The following C12orf50 variants were observed in gnomAD, a reference collection of about 807,000 sequenced individuals.
C12orf50 encodes uncharacterized protein C12orf50.
Under a neutral mutation model 61.6 loss-of-function variants are expected in C12orf50, and 35 were observed. The observed-to-expected ratio is 0.57, with a 90% CI of 0.43 to 0.75. The LOEUF is 0.75. C12orf50 is among the 30% of genes least tolerant of loss of function. The pLI, the probability that C12orf50 is intolerant of heterozygous loss-of-function variation, is 0.00. For missense variants in C12orf50, 475 were observed against 488.5 expected (o/e 0.97, Z 0.26); for synonymous variants, 178 against 161.5 (o/e 1.10, Z -0.77).
rs761258693 is a variant in C12orf50 at position 87,998,163 on chromosome 12, T to C, written c.161A>G (p.Glu54Gly). Residue 54 changes from glutamate to glycine, a missense_variant, in exon 4 of 13, where the codon GAA becomes GGA. Physicochemically the swap from Glu to Gly is moderately conservative, Grantham distance 98. Transcript: ENST00000298699. Reference protein sequence around the residue: ...SNITLQKEIQEGIPLQSQSQE... With the variant: ...SNITLQKEIQGGIPLQSQSQE... ...ACTCTGGGACTGGAGTGGAATTCCTTCCTGAATTTCTTTCTGTAGTGTGAT... is the reference window on the plus strand; with the variant it reads ...ACTCTGGGACTGGAGTGGAATTCCTCCCTGAATTTCTTTCTGTAGTGTGAT... 3 of 1,612,490 alleles carry C rather than the reference T, an allele frequency of 1.9e-6. No homozygotes were observed. The highest frequency in any genetic ancestry group is 3.3e-5 in the Admixed American group (2 of 59,896).
chr12:88,005,910 T>A (rs941990276), intron 3 of C12orf50, among the ~76,000 whole-genome samples: 11 of 139,076 alleles, frequency 7.9e-5, no homozygotes, highest in Admixed American at 7.1e-4. Flanking sequence ...TTTGTTTTTT[T>A]GGTTTTTTTT....
At chr12:87,991,026 T>C (rs1320520180) in intron 7 of C12orf50, among the ~76,000 whole-genome samples, 1 of 152,082 alleles carries the variant, frequency 6.6e-6, no homozygotes, top group Non-Finnish European at 1.5e-5. Context: ...GAACATCCCA[T>C]GTCTCAGTTG....
chr12:87,981,952 A>G (rs1375822307), intron 12 of C12orf50, among the ~76,000 whole-genome samples: 2 of 152,120 alleles, frequency 1.3e-5, no homozygotes, highest in African/African-American at 4.8e-5. Flanking sequence ...AGTGCTACAC[A>G]TAGATGGTAC....
At chr12:88,010,251 G>T (rs989110623) in intron 3 of C12orf50, among the ~76,000 whole-genome samples, 3 of 151,896 alleles carry the variant, frequency 2.0e-5, no homozygotes, top group Non-Finnish European at 4.4e-5. Flanking sequence ...GGTTGAACAA[G>T]TTCTATTATT....
intron 3 of C12orf50, among the ~76,000 whole-genome samples, chr12:88,008,816 C>T (rs1336344867): frequency 6.6e-6 from 1 of 152,140 alleles, no homozygotes; most frequent in Non-Finnish European, 1.5e-5. Context: ...ATTGTAATCA[C>T]TTTTTGTTTG....
intron 3 of C12orf50, among the ~76,000 whole-genome samples, chr12:87,999,400 C>G (rs11104710): frequency 0.11 from 16,642 of 152,102 alleles, 1,163 homozygotes; most frequent in African/African-American, 0.19. Flanking sequence ...ACTCTAGCCT[C>G]AGCAACAGAG....
intron 1 of C12orf50, 131 bp from the exon 2 acceptor site, chr12:88,027,201 T>G: frequency 1.0e-6 from 1 of 967,348 alleles, no homozygotes; most frequent in Non-Finnish European, 1.4e-6. Flanking sequence ...CACTATCAAT[T>G]TTAGGCCATA....
At chr12:88,015,304 A>C (rs1374998962) in intron 3 of C12orf50, among the ~76,000 whole-genome samples, 2 of 152,236 alleles carry the variant, frequency 1.3e-5, no homozygotes, top group East Asian at 3.8e-4. Flanking sequence ...ATTTATTAGC[A>C]AGTGGCTTTT....
chr12:88,008,719 GTC>G (rs1442964644), intron 3 of C12orf50, among the ~76,000 whole-genome samples: 10 of 152,152 alleles, frequency 6.6e-5, no homozygotes, highest in African/African-American at 2.4e-4. Flanking sequence ...CAACACCTAA[GTC>G]ATGTAATAAT....
chr12:87,998,969 A>T (rs1448234616), intron 3 of C12orf50, among the ~76,000 whole-genome samples: 3 of 152,230 alleles, frequency 2.0e-5, no homozygotes, highest in African/African-American at 7.2e-5. Flanking sequence ...TGCAAAGTGG[A>T]TGTAAGAACA....
chr12:88,015,806 TA>T (rs1565758346), intron 3 of C12orf50, among the ~76,000 whole-genome samples: 1 of 152,220 alleles, frequency 6.6e-6, no homozygotes, highest in South Asian at 2.1e-4. Context: ...TTATGTCTTT[TA>T]AAATTCCATG....
chr12:87,983,273 T>C (rs926332004), intron 11 of C12orf50, 78 bp from the exon 12 acceptor site: 1 of 846,424 alleles, frequency 1.2e-6, no homozygotes, highest in Non-Finnish European at 1.8e-6. Flanking sequence ...GTTATAAACA[T>C]CTCAGGGGTG....
chr12:87,996,710 C>T (rs1326296249), intron 4 of C12orf50, 64 bp from the exon 5 acceptor site: 1 of 1,288,180 alleles, frequency 7.8e-7, no homozygotes, highest in Non-Finnish European at 1.1e-6. Flanking sequence ...AATTTATAAA[C>T]CAGAAAGGAA....
At chr12:87,982,219 C>A (rs572810193) in intron 12 of C12orf50, among the ~76,000 whole-genome samples, 9 of 152,148 alleles carry the variant, frequency 5.9e-5, no homozygotes, top group African/African-American at 2.2e-4. Flanking sequence ...TTCCCCACCC[C>A]CCAAATTCAG....
chr12:88,008,863 C>G (rs2031990966), intron 3 of C12orf50, among the ~76,000 whole-genome samples: 1 of 152,088 alleles, frequency 6.6e-6, no homozygotes, highest in African/African-American at 2.4e-5. Context: ...CATCCCTAAA[C>G]ATAAAGTTTA....
At chr12:88,014,589 G>A (rs369990320) in intron 3 of C12orf50, among the ~76,000 whole-genome samples, 8 of 152,264 alleles carry the variant, frequency 5.3e-5, no homozygotes, top group Non-Finnish European at 7.4e-5. Flanking sequence ...GTGAGCCACC[G>A]CGCCTGGCTG....
chr12:87,982,454 G>A (rs2030538210), intron 12 of C12orf50, among the ~76,000 whole-genome samples: 1 of 152,172 alleles, frequency 6.6e-6, no homozygotes, highest in Non-Finnish European at 1.5e-5. Flanking sequence ...ATGTTCAGTT[G>A]TCTGAGAAGT....
chr12:88,029,193 T>C, intron 1 of C12orf50, 147 bp downstream of exon 1: 1 of 909,732 alleles, frequency 1.1e-6, no homozygotes, highest in Non-Finnish European at 1.5e-6. Flanking sequence ...GGAATGCAAA[T>C]ACAAGAACTA....
chr12:88,018,373 C>A (rs2032387475), intron 3 of C12orf50, among the ~76,000 whole-genome samples: 1 of 152,222 alleles, frequency 6.6e-6, no homozygotes, highest in South Asian at 2.1e-4. Flanking sequence ...GGTTTGGGAA[C>A]CTCTGCCTAG....
Sources: gnomAD v4.1 joint callset for allele counts (sites outside exome capture counted in the v4.1 genomes callset) on GRCh38, gnomAD v4.1.1 for gene constraint, MANE v1.5 for transcripts, NCBI Gene and HGNC (gene_info 2026-07-23, HGNC 2026-07-21) for gene names.